The following TNKS variants were observed in gnomAD, a reference collection of about 807,000 sequenced individuals.
TNKS encodes tankyrase, also known as poly [ADP-ribose] polymerase tankyrase-1.
TNKS carries 72 observed loss-of-function variants against 135.8 expected under a neutral mutation model. The observed-to-expected ratio is 0.53, with a 90% CI of 0.44 to 0.64. TNKS has a LOEUF of 0.64. Ranked by LOEUF, TNKS falls within the 30% of genes least tolerant of loss-of-function variation. The pLI is 0.00. For missense variants in TNKS, 1,769 were observed against 1,674.0 expected, an observed-to-expected ratio of 1.06 and a Z score of -0.99; for synonymous variants, 849 against 649.3, an observed-to-expected ratio of 1.31 and a Z score of -4.68.
chr8:9,676,589 C>G (rs1270217214), intron 3 of TNKS, among the ~76,000 whole-genome samples: 1 of 151,934 alleles, frequency 6.6e-6, no homozygotes, highest in Non-Finnish European at 1.5e-5. Flanking sequence ...CTGTTTCTGA[C>G]TACTCCAGAA....
At chr8:9,759,700 C>T (rs13259640) in intron 20 of TNKS, among the ~76,000 whole-genome samples, 12 of 152,222 alleles carry the variant, frequency 7.9e-5, no homozygotes, top group East Asian at 5.8e-4. Context: ...GAGGGCCAGG[C>T]GCGGTGGCTC....
At chr8:9,558,291 T>C (rs577321679) in intron 1 of TNKS, 3 of 152,336 alleles carry the variant, frequency 2.0e-5, no homozygotes, top group South Asian at 4.1e-4. Context: ...GGATTCATTA[T>C]TGATATACAG....
chr8:9,600,538 C>G (rs571054870), intron 2 of TNKS, among the ~76,000 whole-genome samples: 1 of 152,176 alleles, frequency 6.6e-6, no homozygotes, highest in Admixed American at 6.5e-5. Context: ...GTCTTGAACT[C>G]CTGGGCTCAA....
intron 3 of TNKS, among the ~76,000 whole-genome samples, chr8:9,663,435 A>T (rs1367386697): frequency 6.6e-6 from 1 of 152,184 alleles, no homozygotes; most frequent in Non-Finnish European, 1.5e-5. Flanking sequence ...TTTACTGCTT[A>T]TTTCACTTCT....
intron 1 of TNKS, among the ~76,000 whole-genome samples, chr8:9,574,624 C>T (rs1209493754): frequency 1.3e-5 from 2 of 152,220 alleles, no homozygotes; most frequent in Non-Finnish European, 2.9e-5. Flanking sequence ...CCTTGACTTA[C>T]AAAGTTGTGA....
rs1808452754 is a variant in TNKS at position 9,781,418 on chromosome 8, C to G, written c.*4682C>G. The G allele has an allele frequency of 2.0e-5, 3 of 152,186 alleles. No homozygotes were observed. The South Asian group carries it at 6.2e-4, about 31-fold the overall frequency. 9.4% of individuals were successfully genotyped at this position (152,186 alleles called of 1,614,324 possible). On this transcript the variant is annotated 3_prime_UTR_variant, in exon 27 of 27. Transcript: ENST00000310430. Reference sequence around the variant, plus strand: ...CCCTCACACACCCGCGCACCCCTCCCAAAGTTCAGGATGAAAGGCTAGAAA... The same window carrying G: ...CCCTCACACACCCGCGCACCCCTCCGAAAGTTCAGGATGAAAGGCTAGAAA...
At chr8:9,759,100 G>A (rs1367275533) in intron 20 of TNKS, among the ~76,000 whole-genome samples, 1 of 152,148 alleles carries the variant, frequency 6.6e-6, no homozygotes, top group Non-Finnish European at 1.5e-5. Flanking sequence ...TGATCTGCTA[G>A]TCACTTCTCA....
intron 5 of TNKS, among the ~76,000 whole-genome samples, chr8:9,690,615 C>G (rs769437422): frequency 1.3e-5 from 2 of 152,044 alleles, no homozygotes; most frequent in Non-Finnish European, 2.9e-5. Flanking sequence ...TAAAAATTAG[C>G]TGGGTGGCAG....
At chr8:9,567,434 G>T (rs546779692) in intron 1 of TNKS, among the ~76,000 whole-genome samples, 25 of 151,036 alleles carry the variant, frequency 1.7e-4, no homozygotes, top group African/African-American at 6.1e-4. Flanking sequence ...TTTTTTTTTT[G>T]AGACGGAGTC....
At chr8:9,677,565 A>T (rs1176477387) in intron 3 of TNKS, among the ~76,000 whole-genome samples, 1 of 152,152 alleles carries the variant, frequency 6.6e-6, no homozygotes, top group Non-Finnish European at 1.5e-5. Flanking sequence ...TTTATACTTT[A>T]AAATGTAGAC....
rs553327579 is a variant in TNKS at position 9,563,171 on chromosome 8, CCAT to C, written c.673+6560_673+6562del. Among the ~76,000 whole-genome samples the C allele has an allele frequency of 4.1e-3, 623 of 152,134 alleles. 4 individuals are homozygous for C. Among genetic ancestry groups the C allele is most frequent in the Middle Eastern group, 0.014 (4 of 294 alleles). On this transcript the variant is annotated intron_variant, in intron 1 of 26. Transcript: ENST00000310430. ...CATGTTATGCAGCCATCACCATTGTCCATTTCCAGAACATTTTTTGTCATCTTA... is the reference window on the plus strand; with the variant it reads ...CATGTTATGCAGCCATCACCATTGTCTTCCAGAACATTTTTTGTCATCTTA...
intron 22 of TNKS, among the ~76,000 whole-genome samples, chr8:9,763,454 G>T (rs976865804): frequency 3.3e-5 from 5 of 152,002 alleles, no homozygotes; most frequent in African/African-American, 1.2e-4. Flanking sequence ...AATGCATGGG[G>T]CCCATCTGTC....
chr8:9,589,349 T>G (rs1798502637), intron 2 of TNKS, among the ~76,000 whole-genome samples: 2 of 152,154 alleles, frequency 1.3e-5, no homozygotes, highest in African/African-American at 4.8e-5. Context: ...TTGTAAAGCA[T>G]CAGATAAATA....
intron 2 of TNKS, among the ~76,000 whole-genome samples, chr8:9,613,865 A>G (rs548851904): frequency 2.6e-5 from 4 of 152,314 alleles, no homozygotes; most frequent in South Asian, 4.1e-4. Context: ...TACTTCTAGC[A>G]CTCATTAAAA....
chr8:9,734,763 C>G (rs1373508041), intron 15 of TNKS, 102 bp from the exon 16 acceptor site: 1 of 1,007,798 alleles, frequency 9.9e-7, no homozygotes, highest in Non-Finnish European at 1.5e-6. Context: ...GAGTAGATAT[C>G]TTCCCCAGAG....
intron 3 of TNKS, among the ~76,000 whole-genome samples, chr8:9,660,019 C>T (rs1392467333): frequency 6.6e-6 from 1 of 152,186 alleles, no homozygotes; most frequent in Non-Finnish European, 1.5e-5. Flanking sequence ...CACATACACC[C>T]TCCCAAGACT....
chr8:9,705,504 C>T (rs1407161604), intron 6 of TNKS, among the ~76,000 whole-genome samples: 3 of 152,132 alleles, frequency 2.0e-5, no homozygotes, highest in Non-Finnish European at 4.4e-5. Flanking sequence ...CTCCCCAAGT[C>T]AAGAAACATA....
intron 1 of TNKS, among the ~76,000 whole-genome samples, chr8:9,572,176 A>G (rs1351361778): frequency 2.0e-5 from 3 of 152,230 alleles, no homozygotes; most frequent in Admixed American, 6.5e-5. Flanking sequence ...TGTTCACCTT[A>G]GAGATTTTGC....
intron 20 of TNKS, among the ~76,000 whole-genome samples, chr8:9,758,039 A>C (rs1399802692): frequency 6.6e-6 from 1 of 152,240 alleles, no homozygotes; most frequent in Non-Finnish European, 1.5e-5. Context: ...AAACAGGGAA[A>C]AGACAGATAC....
Sources: gnomAD v4.1 joint callset for allele counts (sites outside exome capture counted in the v4.1 genomes callset) on GRCh38, gnomAD v4.1.1 for gene constraint, MANE v1.5 for transcripts, NCBI Gene and HGNC (gene_info 2026-07-23, HGNC 2026-07-21) for gene names.